Variants in FAM20C observed in about 807,000 individuals in gnomAD.
FAM20C encodes extracellular serine/threonine protein kinase FAM20C.
Under a neutral mutation model 51.5 loss-of-function variants are expected in FAM20C, and 40 were observed. The ratio of observed to expected loss-of-function variants is 0.78; its 90% CI spans 0.60 to 1.01. FAM20C has a LOEUF of 1.01. Among genes scored for constraint, FAM20C ranks in the 50% least tolerant of loss-of-function variants. The pLI is 0.00. For missense variants in FAM20C, 861 were observed against 844.7 expected (o/e 1.02, Z -0.24); for synonymous variants, 406 against 380.6 (o/e 1.07, Z -0.78).
chr7:194,890 G>A (rs1026982571), intron 1 of FAM20C, among the ~76,000 whole-genome samples: 5 of 152,174 alleles, frequency 3.3e-5, no homozygotes, highest in Admixed American at 6.5e-5. Context: ...GCAGGCAGAC[G>A]GAGGGTCTGT....
At chr7:201,966 T>C (rs1786148763) in intron 2 of FAM20C, among the ~76,000 whole-genome samples, 1 of 152,254 alleles carries the variant, frequency 6.6e-6, no homozygotes, top group South Asian at 2.1e-4. Context: ...ACTAGTGACG[T>C]AGATTAATAA....
chr7:210,975 T>C (rs1477414759), intron 3 of FAM20C, among the ~76,000 whole-genome samples: 1 of 152,086 alleles, frequency 6.6e-6, no homozygotes, highest in East Asian at 1.9e-4. Context: ...CATAGCCCTG[T>C]GAGTTATAGG....
At chr7:252,517 C>T (rs1325037486) in intron 5 of FAM20C, among the ~76,000 whole-genome samples, 3 of 151,674 alleles carry the variant, frequency 2.0e-5, no homozygotes, top group Non-Finnish European at 4.4e-5. Context: ...TCTCGGAAGC[C>T]CTGCTGGAGC....
intron 3 of FAM20C, among the ~76,000 whole-genome samples, chr7:218,106 G>A (rs147085801): frequency 0.017 from 2,613 of 152,272 alleles, 26 homozygotes; most frequent in Middle Eastern, 0.068. Flanking sequence ...GAACTTCCCC[G>A]GGCCTCAGCC....
intron 4 of FAM20C, among the ~76,000 whole-genome samples, chr7:247,944 TA>T (rs1788234290): frequency 6.6e-6 from 1 of 152,242 alleles, no homozygotes; most frequent in Admixed American, 6.5e-5. Flanking sequence ...TCCATTTAAT[TA>T]AGCGAGTGGG....
At chr7:223,931 C>G (rs915440492) in intron 3 of FAM20C, among the ~76,000 whole-genome samples, 1 of 152,178 alleles carries the variant, frequency 6.6e-6, no homozygotes, top group African/African-American at 2.4e-5. Context: ...CTGAGGGGCA[C>G]CTGGGACCCC....
At chr7:248,709 T>A (rs1285445359) in intron 5 of FAM20C, among the ~76,000 whole-genome samples, 1 of 145,120 alleles carries the variant, frequency 6.9e-6, no homozygotes, top group Non-Finnish European at 1.5e-5. Flanking sequence ...GGGCCCGCAT[T>A]CATCTCTCCA....
At chr7:208,395 C>CTGTG (rs139515407) in intron 2 of FAM20C, among the ~76,000 whole-genome samples, 42,361 of 142,818 alleles carry the variant, frequency 0.3, 7,301 homozygotes, top group Non-Finnish European at 0.37. Flanking sequence ...ATGTACATGA[C>CTGTG]TGTGGGGTGT....
chr7:253,648 A>C (rs1325879278), intron 5 of FAM20C, among the ~76,000 whole-genome samples: 1 of 151,430 alleles, frequency 6.6e-6, no homozygotes, highest in Non-Finnish European at 1.5e-5. Context: ...CGTTGCTGGG[A>C]CCCCCGCTTC....
Position 260,160 on chromosome 7 carries a change from T to C in FAM20C, c.*180T>C. 1.1e-6 allele frequency: 1 copy of C among 891,390 alleles called. No individual in the cohort carries two copies. The highest frequency in any genetic ancestry group is 2.9e-5 in the East Asian group (1 of 34,100). The allele number at this position is 891,390 out of a possible 1,614,324, so 55.2% of individuals were successfully genotyped here. ...TCATAGGACACATTTTGTCAGTGTT[T>C]GACCAGAAAAGCTTGGGAAGGAAGC... On this transcript the variant is annotated 3_prime_UTR_variant, in exon 10 of 10. Coordinates refer to ENST00000313766, the MANE Select transcript of FAM20C (RefSeq NM_020223.4).
At chr7:258,737 C>T in intron 9 of FAM20C, 32 bp downstream of exon 9, 12 of 1,525,480 alleles carry the variant, frequency 7.9e-6, no homozygotes, top group East Asian at 2.4e-5. Context: ...GCTCCAGCTC[C>T]ACCCTCCTCC....
intron 3 of FAM20C, among the ~76,000 whole-genome samples, chr7:231,337 G>A (rs1447568572): frequency 2.0e-5 from 3 of 152,036 alleles, no homozygotes; most frequent in Non-Finnish European, 2.9e-5. Context: ...TGAATGACAC[G>A]CATCAGTGGG....
chr7:259,158 T>C (rs1688781443), intron 9 of FAM20C, among the ~76,000 whole-genome samples: 2 of 152,202 alleles, frequency 1.3e-5, no homozygotes, highest in African/African-American at 4.8e-5. Context: ...AGCGCCCGTG[T>C]TGTGCGGATG....
At chr7:210,541 C>A (rs1351409126) in intron 3 of FAM20C, among the ~76,000 whole-genome samples, 1 of 152,134 alleles carries the variant, frequency 6.6e-6, no homozygotes, top group African/African-American at 2.4e-5. Context: ...GTCTTCATCT[C>A]CCTTGAGCTG....
At chr7:223,897 G>A (rs1053673303) in intron 3 of FAM20C, among the ~76,000 whole-genome samples, 5 of 152,190 alleles carry the variant, frequency 3.3e-5, no homozygotes, top group East Asian at 3.8e-4. Context: ...ACAGAAGGAC[G>A]AGGAGGCTGA....
At chr7:224,207 G>A (rs556348688) in intron 3 of FAM20C, among the ~76,000 whole-genome samples, 5 of 141,402 alleles carry the variant, frequency 3.5e-5, no homozygotes, top group South Asian at 2.4e-4. Context: ...GTCGCACGGC[G>A]GCTGTCCCCT....
chr7:240,759 C>T (rs1245425860), intron 3 of FAM20C, among the ~76,000 whole-genome samples: 1 of 152,168 alleles, frequency 6.6e-6, no homozygotes, highest in Non-Finnish European at 1.5e-5. Flanking sequence ...GTCCAGCAAA[C>T]AATGCCACCG....
chr7:206,888 G>A (rs71536275), intron 2 of FAM20C, among the ~76,000 whole-genome samples: 5 of 38,568 alleles, frequency 1.3e-4, no homozygotes, highest in African/African-American at 1.5e-4. Flanking sequence ...CCGCACACGT[G>A]TCCACTGTGA....
At chr7:240,404 T>TGGTGGTGATTATGTTGTTGATAAG (rs1787903904) in intron 3 of FAM20C, among the ~76,000 whole-genome samples, 26 of 1,652 alleles carry the variant, frequency 0.016, 1 homozygote, top group South Asian at 0.024. Context: ...ATAGTGATAA[T>TGGTGGTGATTATGTTGTTGATAAG]GATGATGATG....
Sources: gnomAD v4.1 joint callset for allele counts (sites outside exome capture counted in the v4.1 genomes callset) on GRCh38, gnomAD v4.1.1 for gene constraint, MANE v1.5 for transcripts, NCBI Gene and HGNC (gene_info 2026-07-23, HGNC 2026-07-21) for gene names.